ANO3: variants seen among roughly 807,000 people sequenced by gnomAD.
ANO3 encodes the protein anoctamin-3.
A neutral mutation model predicts 144.8 loss-of-function variants in ANO3; 99 were observed. The observed-to-expected ratio is 0.68, with a 90% CI of 0.58 to 0.81. The LOEUF (loss-of-function observed/expected upper bound fraction) is 0.81. Ranked by LOEUF, ANO3 falls within the 30% of genes least tolerant of loss-of-function variation. The pLI, the probability that ANO3 is intolerant of heterozygous loss-of-function variation, is 0.00. For missense variants in ANO3, 905 were observed against 1,202.2 expected (o/e 0.75, Z 3.66); for synonymous variants, 414 against 392.6 (o/e 1.05, Z -0.64).
At chr11:26,329,868 G>T (rs971659415), upstream of ANO3, among the ~76,000 whole-genome samples, 1 of 150,622 alleles carries the variant, frequency 6.6e-6, no homozygotes, top group Non-Finnish European at 1.5e-5. Context: ...GCTGGAGTGC[G>T]GTGGTGCGAT....
At chr11:26,318,705 A>C (rs1294002610) in intron 1 of ANO3, among the ~76,000 whole-genome samples, 1 of 152,222 alleles carries the variant, frequency 6.6e-6, no homozygotes, top group African/African-American at 2.4e-5. Flanking sequence ...TATGATGTGC[A>C]TCAGGTGGAG....
At chr11:26,591,815 C>T (rs1483322963) in intron 14 of ANO3, among the ~76,000 whole-genome samples, 4 of 152,122 alleles carry the variant, frequency 2.6e-5, no homozygotes, top group Non-Finnish European at 5.9e-5. Flanking sequence ...ACAGGAATAC[C>T]CAGCATTGTC....
chr11:26,212,034 A>G (rs1216935529), intron 1 of ANO3, among the ~76,000 whole-genome samples: 1 of 152,100 alleles, frequency 6.6e-6, no homozygotes, highest in Non-Finnish European at 1.5e-5. Context: ...CAGGGAGGGG[A>G]ATATCACACA....
rs188836933 is a variant in ANO3 at position 26,404,767 on chromosome 11, T to C, written c.47-37151T>C. 3.3e-5 allele frequency among the ~76,000 whole-genome samples: 5 copies of C among 151,774 alleles called. No homozygotes were observed. The East Asian group carries it at 7.8e-4, about 24-fold the overall frequency. On this transcript the variant is annotated intron_variant, in intron 1 of 26. Transcript: ENST00000256737. ...TGAGATAAAAATCTATGTGGAGAAA[T>C]ACAATAGCAGTTTTACAGAAAAGGC...
At chr11:26,481,077 A>C (rs1860196803) in intron 4 of ANO3, among the ~76,000 whole-genome samples, 1 of 152,158 alleles carries the variant, frequency 6.6e-6, no homozygotes, top group African/African-American at 2.4e-5. Context: ...AAAAACTTAG[A>C]AAAGTACCAG....
intron 1 of ANO3, among the ~76,000 whole-genome samples, chr11:26,221,956 T>C (rs1852154070): frequency 6.6e-6 from 1 of 152,168 alleles, no homozygotes; most frequent in Non-Finnish European, 1.5e-5. Context: ...AACACACATC[T>C]AAACCATATC....
intron 1 of ANO3, among the ~76,000 whole-genome samples, chr11:26,234,614 T>C (rs1460235676): frequency 6.6e-6 from 1 of 152,220 alleles, no homozygotes; most frequent in African/African-American, 2.4e-5. Context: ...CAACTTATAT[T>C]GTCAATAGCC....
upstream of ANO3, among the ~76,000 whole-genome samples, chr11:26,328,025 T>G (rs1202000179): frequency 6.6e-6 from 1 of 152,212 alleles, no homozygotes; most frequent in Non-Finnish European, 1.5e-5. Flanking sequence ...CTCTTCAAAA[T>G]GCCATGTGCT....
At chr11:26,257,597 G>T (rs1301539806) in intron 1 of ANO3, among the ~76,000 whole-genome samples, 1 of 152,014 alleles carries the variant, frequency 6.6e-6, no homozygotes, top group South Asian at 2.1e-4. Flanking sequence ...ATCAATAAAA[G>T]TACTTTAAAA....
chr11:26,455,875 G>A (rs1859135554), intron 3 of ANO3, among the ~76,000 whole-genome samples: 1 of 151,464 alleles, frequency 6.6e-6, no homozygotes, highest in South Asian at 2.1e-4. Context: ...CCAAAACAGA[G>A]ATATAGATCA....
chr11:26,530,343 C>T (rs1849330976), intron 7 of ANO3, among the ~76,000 whole-genome samples: 1 of 152,070 alleles, frequency 6.6e-6, no homozygotes, highest in African/African-American at 2.4e-5. Flanking sequence ...TTATGACTTC[C>T]AGTGCCACTA....
At chr11:26,448,299 C>CAAAA (rs11401959) in intron 3 of ANO3, among the ~76,000 whole-genome samples, 3 of 132,504 alleles carry the variant, frequency 2.3e-5, no homozygotes, top group Non-Finnish European at 4.7e-5. Context: ...AACTCCGTCT[C>CAAAA]AAAAAAAAAA....
chr11:26,389,499 T>C (rs1177680307), intron 1 of ANO3, among the ~76,000 whole-genome samples: 1 of 152,038 alleles, frequency 6.6e-6, no homozygotes, highest in African/African-American at 2.4e-5. Context: ...AATATAAATA[T>C]ATATATATGC....
At chr11:26,366,912 T>C (rs552039364) in intron 1 of ANO3, among the ~76,000 whole-genome samples, 1 of 152,204 alleles carries the variant, frequency 6.6e-6, no homozygotes, top group South Asian at 2.1e-4. Flanking sequence ...CAAAAATTTA[T>C]AGACCAATGG....
chr11:26,530,886 A>G (rs932477167), intron 7 of ANO3, among the ~76,000 whole-genome samples: 11 of 151,944 alleles, frequency 7.2e-5, no homozygotes, highest in Non-Finnish European at 1.2e-4. Flanking sequence ...AACAAAAACA[A>G]AAACAAAAAC....
intron 1 of ANO3, among the ~76,000 whole-genome samples, chr11:26,302,253 T>C (rs1564956290): frequency 2.6e-5 from 4 of 152,174 alleles, no homozygotes. Context: ...TCCCAGCACT[T>C]TGGGAGGCCG....
At chr11:26,469,516 G>C (rs1859707483) in intron 4 of ANO3, among the ~76,000 whole-genome samples, 1 of 151,926 alleles carries the variant, frequency 6.6e-6, no homozygotes, top group Non-Finnish European at 1.5e-5. Flanking sequence ...AAGAGCTAAA[G>C]AGGTATACTC....
intron 3 of ANO3, among the ~76,000 whole-genome samples, chr11:26,456,387 AAAC>A (rs1201885694): frequency 2.0e-4 from 30 of 152,164 alleles, no homozygotes; most frequent in Admixed American, 1.0e-3. Flanking sequence ...AGAGAAAAAC[AAAC>A]AACCCCATCA....
At chr11:26,289,296 T>C (rs949374791) in intron 1 of ANO3, among the ~76,000 whole-genome samples, 1 of 151,862 alleles carries the variant, frequency 6.6e-6, no homozygotes, top group African/African-American at 2.4e-5. Flanking sequence ...ACTAACTTCA[T>C]TTTTTCAACT....
Sources: allele counts gnomAD v4.1 joint callset (sites outside exome capture counted in the v4.1 genomes callset), GRCh38; gene constraint gnomAD v4.1.1; transcripts MANE v1.5; gene names NCBI Gene and HGNC (gene_info 2026-07-23, HGNC 2026-07-21).